EXTL2: variants seen among roughly 807,000 people sequenced by gnomAD.
EXTL2 encodes exostosin-like 2.
Under a neutral mutation model 30.7 loss-of-function variants are expected in EXTL2, and 23 were observed. The ratio of observed to expected loss-of-function variants is 0.75; its 90% CI spans 0.54 to 1.06. EXTL2 has a LOEUF of 1.06. Ranked by LOEUF, EXTL2 falls within the 50% of genes least tolerant of loss-of-function variation. The probability of loss-of-function intolerance (pLI) is 0.00; values close to 1 mark genes in which losing one functional copy is unlikely to be tolerated. For missense variants in EXTL2, 352 were observed against 396.3 expected (o/e 0.89, Z 0.95); for synonymous variants, 123 against 133.8 (o/e 0.92, Z 0.56).
chr1:100,884,233 C>T (rs1255576972), intron 2 of EXTL2, among the ~76,000 whole-genome samples: 8 of 152,174 alleles, frequency 5.3e-5, no homozygotes, highest in South Asian at 4.1e-4. Context: ...GGCAGCAGAA[C>T]GATAACTATT....
Position 100,877,769 on chromosome 1 carries a change from T to C in EXTL2, c.140A>G (p.Lys47Arg), listed in dbSNP as rs1363546538. 9 of 1,612,864 alleles carry C rather than the reference T, an allele frequency of 5.6e-6. No individual in the cohort carries two copies. Among genetic ancestry groups the C allele is most frequent in the Non-Finnish European group, 7.6e-6 (9 of 1,179,666 alleles). ...TALLPSVKED[K>R]MLMLRREIKS... ...TATTTCCCTACGCAACATGAGCATC[T>C]TGTCTTCTTTAACACTGGGAAGTAA... The change falls in exon 3 of 5, where the codon AAG becomes AGG. Residue 47 changes from lysine (K) to arginine (R), a missense_variant. By Grantham distance (26) the Lys-to-Arg change is conservative. Transcript: ENST00000370114. This position sits in a 1 kb window ranked among gnomAD's most constrained non-coding sequence, Gnocchi z 4.1.
At position 100,883,114 on chromosome 1, in the gene EXTL2, A is replaced by G. The variant is rs535673673; in HGVS notation, c.6-5211T>C. On this transcript the variant is annotated intron_variant, in intron 2 of 4. Transcript: ENST00000370114. ...ACAACTCTTTCCACTATGCTAGGGT[A>G]AATTCTGCAAGGATGTGTCAAAAAA... Among the ~76,000 whole-genome samples, 95 of 152,354 alleles carry G rather than the reference A, an allele frequency of 6.2e-4. 1 individual carries two copies. The highest frequency in any genetic ancestry group is 2.1e-3 in the African/African-American group (86 of 41,582).
chr1:100,874,439 A>C lies in EXTL2; in HGVS notation c.505-9T>G. Reference sequence around the variant, plus strand: ...ATTTGATCAGGAAATTGCTGAAAAGAGGGAAAAAGAACAATAAAATGTCAC... The same window carrying C: ...ATTTGATCAGGAAATTGCTGAAAAGCGGGAAAAAGAACAATAAAATGTCAC... On this transcript the variant is annotated splice_polypyrimidine_tract_variant and intron_variant, in intron 4 of 4. Transcript: ENST00000370114. The C allele has an allele frequency of 6.4e-7, 1 of 1,565,328 alleles. No individual in the cohort carries two copies. Among genetic ancestry groups the C allele is most frequent in the South Asian group, 1.2e-5 (1 of 83,894 alleles).
intron 2 of EXTL2, among the ~76,000 whole-genome samples, chr1:100,879,330 TTCATAGCCATTTCAGCACA>T (rs778020827): frequency 1.3e-5 from 2 of 152,182 alleles, no homozygotes; most frequent in Non-Finnish European, 2.9e-5. Context: ...CAACTGAGTC[TTCATAGCCATTTCAGCACA>T]TCATGGATCT....
rs575491157 is a variant in EXTL2 at position 100,887,295 on chromosome 1, T to C, written c.5+1458A>G. Among the ~76,000 whole-genome samples the C allele has an allele frequency of 2.0e-5, 3 of 152,376 alleles. No homozygotes were observed. In the South Asian group the frequency reaches 6.2e-4, roughly 32 times the overall value. On this transcript the variant is annotated intron_variant, in intron 2 of 4. Transcript: ENST00000370114. ...ACAGATGAATTATGGCTTAAAAATA[T>C]TTTTAAGTATTGAATCTAAGATGGA...
At chr1:100,885,204 T>C (rs552578371) in intron 2 of EXTL2, among the ~76,000 whole-genome samples, 2 of 152,316 alleles carry the variant, frequency 1.3e-5, no homozygotes, top group East Asian at 3.9e-4. Flanking sequence ...ACAAAAGATG[T>C]CTCAGATCTC....
chr1:100,893,870 T>C (rs1413710575), intron 1 of EXTL2, among the ~76,000 whole-genome samples: 1 of 152,174 alleles, frequency 6.6e-6, no homozygotes, highest in Admixed American at 6.5e-5. Context: ...ATACCTATCA[T>C]ATATCTTGGG....
In EXTL2 at chr1:100,877,497, AG is replaced by A; in HGVS notation, c.411del (p.Pro139LeufsTer9). ...TANRMRNRLQ[V>X]FPELETNAVL... is the part of the protein sequence containing the mutation. Reference sequence around the variant, plus strand: ...TCACCATTGGTTTCCAGTTCAGGAAAGACCTGGAGTCGATTTCTCATCCTGT... The same window carrying A: ...TCACCATTGGTTTCCAGTTCAGGAAAACCTGGAGTCGATTTCTCATCCTGT... On this transcript the variant is annotated frameshift_variant, in exon 3 of 5. Coordinates refer to ENST00000370114, the MANE Select transcript of EXTL2 (RefSeq NM_001033025.3). LOFTEE classifies it high-confidence loss of function. This position sits in a 1 kb window ranked among gnomAD's most constrained non-coding sequence, Gnocchi z 4.1. The A allele has an allele frequency of 6.2e-7, 1 of 1,602,112 alleles. No homozygotes were observed. The highest frequency in any genetic ancestry group is 8.5e-7 in the Non-Finnish European group (1 of 1,173,992).
In EXTL2 at chr1:100,877,369, C is replaced by T; in HGVS notation, c.433+107G>A. 9.7e-7 allele frequency: 1 copy of T among 1,031,202 alleles called. No individual in the cohort carries two copies. The highest frequency in any genetic ancestry group is 1.4e-6 in the Non-Finnish European group (1 of 724,634). 63.9% of individuals were successfully genotyped at this position (1,031,202 alleles called of 1,614,324 possible). Reference sequence around the variant, plus strand: ...CAAAGTGCTTTCTTAGGACTAACTTCCTTCATTTTTCTCCAGACGGTTAAG... The same window carrying T: ...CAAAGTGCTTTCTTAGGACTAACTTTCTTCATTTTTCTCCAGACGGTTAAG... On this transcript the variant is annotated intron_variant, in intron 3 of 4. Transcript: ENST00000370114. This position sits in a 1 kb window ranked among gnomAD's most constrained non-coding sequence, Gnocchi z 4.1.
At chr1:100,885,924 T>C (rs542059556) in intron 2 of EXTL2, 1 of 152,356 alleles carries the variant, frequency 6.6e-6, no homozygotes, top group South Asian at 2.1e-4. Flanking sequence ...TAAAACAAAA[T>C]AATTTAAATT....
Position 100,877,416 on chromosome 1 carries a change from G to T in EXTL2, c.433+60C>A. ...TAAGCAGAAGGCCAGAAATTCACATGTCTGTCCCAGCTCTGGACAGCGGCA... is the reference window on the plus strand; with the variant it reads ...TAAGCAGAAGGCCAGAAATTCACATTTCTGTCCCAGCTCTGGACAGCGGCA... On this transcript the variant is annotated intron_variant, in intron 3 of 4. Transcript: ENST00000370114. The surrounding 1 kb of genome is among the most constrained non-coding windows in gnomAD (Gnocchi z 4.1). 7.1e-7 allele frequency: 1 copy of T among 1,413,050 alleles called. No homozygotes were observed. Among genetic ancestry groups the T allele is most frequent in the Non-Finnish European group, 9.5e-7 (1 of 1,052,532 alleles). The allele number at this position is 1,413,050 out of a possible 1,614,324, so 87.5% of individuals were successfully genotyped here.
chr1:100,873,835 AC>A lies in EXTL2; in HGVS notation c.*106del, dbSNP rs554076097. The A allele has an allele frequency of 1.7e-6, 2 of 1,151,018 alleles. No homozygotes were observed. Among genetic ancestry groups the A allele is most frequent in the South Asian group, 1.7e-5 (1 of 58,276 alleles). The allele number at this position is 1,151,018 out of a possible 1,614,324, so 71.3% of individuals were successfully genotyped here. A position where few individuals can be genotyped will look rare whatever the true frequency, so the allele number is the denominator to read the frequency against. On this transcript the variant is annotated 3_prime_UTR_variant, in exon 5 of 5. Coordinates refer to ENST00000370114, the MANE Select transcript of EXTL2 (RefSeq NM_001033025.3). ...CTGCACTTTTTTTTCTATTGTAGAG[AC>A]TTCTGGAGTAGATAAAATTCATGAT...
intron 2 of EXTL2, among the ~76,000 whole-genome samples, chr1:100,881,818 C>T (rs1649579477): frequency 6.6e-6 from 1 of 152,178 alleles, no homozygotes; most frequent in South Asian, 2.1e-4. Context: ...TACATTGTTA[C>T]TTAGCGTCTT....
rs145383246 is a variant in EXTL2, at chr1:100,879,021, T to C, written c.6-1118A>G. 5.1e-3 allele frequency among the ~76,000 whole-genome samples: 780 copies of C among 152,286 alleles called. 20 individuals are homozygous for C. The highest frequency in any genetic ancestry group is 0.035 in the Admixed American group (537 of 15,284). On this transcript the variant is annotated intron_variant, in intron 2 of 4. Coordinates refer to ENST00000370114, the MANE Select transcript of EXTL2 (RefSeq NM_001033025.3). ...TCCAGAGATAGCCATAGAACAGTAG[T>C]GAACAAATTGATAAGTACAGTCTAG...
rs1650160681 is a variant in EXTL2 at position 100,888,608 on chromosome 1, A to G, written c.5+145T>C. ...TATAAAGTTTCAGTTTTGCAAGATG[A>G]AAAAGTTCCAGAGATCGGCCGCACA... On this transcript the variant is annotated intron_variant, in intron 2 of 4. Transcript: ENST00000370114. 4 of 424,696 alleles carry G rather than the reference A, an allele frequency of 9.4e-6. No homozygotes were observed. In the East Asian group the frequency reaches 1.4e-4, roughly 15 times the overall value. 26.3% of individuals were successfully genotyped at this position (424,696 alleles called of 1,614,324 possible). A position where few individuals can be genotyped will look rare whatever the true frequency, so the allele number is the denominator to read the frequency against.
chr1:100,879,669 G>A (rs1346269935), intron 2 of EXTL2, among the ~76,000 whole-genome samples: 2 of 152,094 alleles, frequency 1.3e-5, no homozygotes, highest in African/African-American at 4.8e-5. Flanking sequence ...AGCTGGATAA[G>A]ACTTTTCACT....
intron 2 of EXTL2, among the ~76,000 whole-genome samples, chr1:100,886,184 G>A (rs889069538): frequency 1.3e-5 from 2 of 152,164 alleles, no homozygotes; most frequent in African/African-American, 4.8e-5. Context: ...ATCATTGATA[G>A]CCAATTTAAA....
At position 100,873,995 on chromosome 1, in the gene EXTL2, T is replaced by C. The variant is rs746758819; in HGVS notation, c.940A>G (p.Ile314Val). The change falls in exon 5 of 5, where the codon ATT becomes GTT. Residue 314 changes from isoleucine (I) to valine (V), a missense_variant. By Grantham distance (29) the Ile-to-Val change is conservative. Coordinates refer to ENST00000370114, the MANE Select transcript of EXTL2 (RefSeq NM_001033025.3). ...YDSMPLRYSN[I>V]MISQFGFPYA... ...GGAAAACCAAACTGGGAAATCATAA[T>C]GTTGGAGTATCTTAAGGGCATGCTA... is the stretch of plus-strand genomic sequence containing the variant. 1.9e-6 allele frequency: 3 copies of C among 1,594,724 alleles called. No individual in the cohort carries two copies. The highest frequency in any genetic ancestry group is 2.6e-6 in the Non-Finnish European group (3 of 1,173,554).
chr1:100,882,580 C>CG (rs1397349164), intron 2 of EXTL2, among the ~76,000 whole-genome samples: 5 of 152,226 alleles, frequency 3.3e-5, no homozygotes, highest in Non-Finnish European at 7.3e-5. Flanking sequence ...CCAGCACTTA[C>CG]GGGGGCAAAA....
Sources: gnomAD v4.1 joint callset for allele counts (sites outside exome capture counted in the v4.1 genomes callset) on GRCh38, gnomAD v4.1.1 for gene constraint, Gnocchi (gnomAD v3.1) non-coding constraint, MANE v1.5 for transcripts, NCBI Gene and HGNC (gene_info 2026-07-23, HGNC 2026-07-21) for gene names.